The following LTF variants were observed in gnomAD, a reference collection of about 807,000 sequenced individuals.
LTF encodes the protein epididymis luminal protein 110.
A neutral mutation model predicts 87.2 loss-of-function variants in LTF; 91 were observed. The observed-to-expected ratio is 1.04, with a 90% CI of 0.88 to 1.24. The LOEUF is 1.24. LTF is among the 50% of genes most tolerant of loss of function. The pLI is 0.00. For synonymous variants in LTF, 378 were observed against 356.1 expected, an observed-to-expected ratio of 1.06 and a Z score of -0.69; for missense variants, 901 against 904.3, an observed-to-expected ratio of 1.00 and a Z score of 0.05.
chr3:46,455,663 G>GT lies in LTF; in HGVS notation c.499+132dup, dbSNP rs140978328. 5.4e-5 allele frequency: 63 copies of GT among 1,169,092 alleles called. No homozygotes were observed. In the African/African-American group the frequency reaches 9.6e-4, roughly 18 times the overall value. The allele number at this position is 1,169,092 out of a possible 1,614,324, so 72.4% of individuals were successfully genotyped here. A position where few individuals can be genotyped will look rare whatever the true frequency, so the allele number is the denominator to read the frequency against. Reference sequence around the variant, plus strand: ...GGGTAACGGATCCTGCCAGCAGGATGTTACAAGCTGGCCAGCCTCACCCCC... The same window carrying GT: ...GGGTAACGGATCCTGCCAGCAGGATGTTTACAAGCTGGCCAGCCTCACCCCC... On this transcript the variant is annotated intron_variant, in intron 4 of 16. Transcript: ENST00000231751.
chr3:46,460,685 C>A, intron 1 of LTF: 1 of 432,604 alleles, frequency 2.3e-6, no homozygotes, highest in Non-Finnish European at 4.7e-6. Flanking sequence ...ACACTCAACT[C>A]TTCTATTCAA....
At chr3:46,465,090 C>T, upstream of LTF, 1 of 588,372 alleles carries the variant, frequency 1.7e-6, no homozygotes, top group Non-Finnish European at 3.0e-6. Context: ...CCAGCCTGCA[C>T]CTCACCTGTC....
chr3:46,463,393 G>C (rs1317878349), intron 1 of LTF: 2 of 913,482 alleles, frequency 2.2e-6, no homozygotes, highest in East Asian at 1.2e-4. Flanking sequence ...TAAGCAGACA[G>C]ACTCCTCCAC....
At chr3:46,450,116 G>T in intron 7 of LTF, 88 bp from the exon 8 acceptor site, 3 of 1,121,362 alleles carry the variant, frequency 2.7e-6, no homozygotes, top group Non-Finnish European at 3.8e-6. Flanking sequence ...CTGGAGCTTT[G>T]GGATCATTCT....
intron 1 of LTF, among the ~76,000 whole-genome samples, chr3:46,484,761 C>A (rs1703494904): frequency 6.6e-6 from 1 of 152,182 alleles, no homozygotes; most frequent in Non-Finnish European, 1.5e-5. Flanking sequence ...GTGCTAACAC[C>A]TGAAGGTGTA....
intron 13 of LTF, 67 bp downstream of exon 13, chr3:46,443,374 C>A: frequency 6.3e-7 from 1 of 1,580,374 alleles, no homozygotes; most frequent in Non-Finnish European, 8.7e-7. Flanking sequence ...CTCCTTAGAA[C>A]TGCAATGCTG....
intron 8 of LTF, among the ~76,000 whole-genome samples, chr3:46,449,264 T>C (rs1349854265): frequency 2.0e-5 from 3 of 152,196 alleles, no homozygotes; most frequent in African/African-American, 7.2e-5. Flanking sequence ...AATCTATCCA[T>C]TAATCTTTAG....
chr3:46,463,923 C>T (rs371559438), intron 1 of LTF, among the ~76,000 whole-genome samples: 54 of 152,300 alleles, frequency 3.5e-4, no homozygotes, highest in African/African-American at 1.0e-3. Flanking sequence ...CTCTATCCAC[C>T]GCCACCTCTT....
chr3:46,464,810 G>A lies in LTF; in HGVS notation c.43+15C>T. ...GCCCATCAGGCGGCTCGCGCCCCCA[G>A]GCACCTGCACTCACCGAGGGCCCCG... On this transcript the variant is annotated intron_variant, in intron 1 of 16. Transcript: ENST00000231751. 7.4e-6 allele frequency: 12 copies of A among 1,613,966 alleles called. No individual in the cohort carries two copies. The highest frequency in any genetic ancestry group is 1.7e-4 in the Middle Eastern group (1 of 6,060).
At chr3:46,455,471 A>G (rs776361742) in intron 4 of LTF, 29 bp from the exon 5 acceptor site, 8 of 1,613,798 alleles carry the variant, frequency 5.0e-6, no homozygotes, top group Admixed American at 3.3e-5. Context: ...TGGACCACAG[A>G]GTGTGAGCCA....
At chr3:46,475,551 C>T (rs1490540161) in intron 1 of LTF, among the ~76,000 whole-genome samples, 11 of 151,644 alleles carry the variant, frequency 7.3e-5, no homozygotes. Context: ...CACACACACA[C>T]ACACACACAC....
chr3:46,479,819 C>T (rs1196028306), intron 1 of LTF, among the ~76,000 whole-genome samples: 9 of 152,184 alleles, frequency 5.9e-5, no homozygotes, highest in Non-Finnish European at 8.8e-5. Context: ...TGAGCCACTG[C>T]GCCCGGCCAG....
intron 16 of LTF, 129 bp downstream of exon 16, chr3:46,437,811 A>G: frequency 1.4e-6 from 1 of 711,220 alleles, no homozygotes; most frequent in South Asian, 1.7e-5. Context: ...AATTTCCTGA[A>G]CTGTAAAGAG....
chr3:46,471,284 T>TTC (rs370902089), intron 1 of LTF, among the ~76,000 whole-genome samples: 7 of 152,204 alleles, frequency 4.6e-5, no homozygotes, highest in South Asian at 2.1e-4. Flanking sequence ...CTCTGTCTGT[T>TTC]TCTCTCTCTC....
intron 1 of LTF, among the ~76,000 whole-genome samples, chr3:46,471,099 AGAGGCTGCGGG>A (rs1703279608): frequency 6.6e-6 from 1 of 152,166 alleles, no homozygotes; most frequent in African/African-American, 2.4e-5. Flanking sequence ...CAGTGTTGAC[AGAGGCTGCGGG>A]GAGTTTTGAG....
At chr3:46,446,197 C>T (rs1230885369) in intron 11 of LTF, among the ~76,000 whole-genome samples, 3 of 152,190 alleles carry the variant, frequency 2.0e-5, no homozygotes, top group African/African-American at 7.2e-5. Context: ...TAGCACCCCC[C>T]ATTCCATGAC....
At chr3:46,461,943 T>C (rs1226066395) in intron 1 of LTF, among the ~76,000 whole-genome samples, 1 of 152,192 alleles carries the variant, frequency 6.6e-6, no homozygotes, top group African/African-American at 2.4e-5. Context: ...CATCCCCTTA[T>C]GGCGAGAGCC....
In LTF at chr3:46,459,820, C is replaced by G. The variant is rs772577282; in HGVS notation, c.44-1G>C. On this transcript the variant is annotated splice_acceptor_variant, in intron 1 of 16. Coordinates refer to ENST00000231751, the MANE Select transcript of LTF (RefSeq NM_002343.6). LOFTEE classifies it high-confidence loss of function. The stretch of plus-strand genomic sequence containing the variant: ...CTCCTACGGCCAGCCAGACACAGTC[C>G]TGGGAGAGAGGGGCCAAGGAGTAAG... 1 of 1,534,742 alleles carries G rather than the reference C, an allele frequency of 6.5e-7. No individual in the cohort carries two copies. The highest frequency in any genetic ancestry group is 8.7e-7 in the Non-Finnish European group (1 of 1,146,764).
intron 6 of LTF, among the ~76,000 whole-genome samples, chr3:46,451,657 C>T (rs948111883): frequency 1.3e-5 from 2 of 152,098 alleles, no homozygotes; most frequent in African/African-American, 2.4e-5. Flanking sequence ...TGCAGTGGTG[C>T]GATCTCAGCT....
Sources: gnomAD v4.1 joint callset for allele counts (sites outside exome capture counted in the v4.1 genomes callset) on GRCh38, gnomAD v4.1.1 for gene constraint, MANE v1.5 for transcripts, NCBI Gene and HGNC (gene_info 2026-07-23, HGNC 2026-07-21) for gene names.